The following ADGRV1 variants were observed in gnomAD, a reference collection of about 807,000 sequenced individuals.
ADGRV1 encodes the protein adhesion G protein-coupled receptor V1.
In ADGRV1, 359 loss-of-function variants were observed where a neutral mutation model predicts 596.2. The observed-to-expected ratio is 0.60, with a 90% confidence interval of 0.55 to 0.66. The LOEUF (loss-of-function observed/expected upper bound fraction) is 0.66. Ranked by LOEUF, ADGRV1 falls within the 30% of genes least tolerant of loss-of-function variation. The pLI is 0.00. For synonymous variants in ADGRV1, 2,681 were observed against 2,679.2 expected (o/e 1.00, Z -0.02); for missense variants, 7,274 against 7,575.6 (o/e 0.96, Z 1.48).
At chr5:90,708,484 A>G (rs1281018434) in intron 38 of ADGRV1, among the ~76,000 whole-genome samples, 1 of 151,532 alleles carries the variant, frequency 6.6e-6, no homozygotes, top group African/African-American at 2.4e-5. Flanking sequence ...CACATTAGAT[A>G]TTAAGGTAAT....
At chr5:90,947,576 C>A (rs116683863) in intron 83 of ADGRV1, among the ~76,000 whole-genome samples, 2 of 151,214 alleles carry the variant, frequency 1.3e-5, no homozygotes, top group South Asian at 4.2e-4. Context: ...CAGGTGTAGA[C>A]GGCATTAGAG....
intron 83 of ADGRV1, among the ~76,000 whole-genome samples, chr5:90,928,981 C>G (rs966112460): frequency 5.7e-4 from 85 of 149,224 alleles, no homozygotes; most frequent in South Asian, 4.1e-3. Context: ...AGGAGGCAGT[C>G]TGCCCGTTCT....
chr5:91,138,209 C>T (rs1156537060), intron 87 of ADGRV1, among the ~76,000 whole-genome samples: 1 of 150,668 alleles, frequency 6.6e-6, no homozygotes, highest in Non-Finnish European at 1.5e-5. Flanking sequence ...CATGTGAAAG[C>T]ATCTCGTTAC....
At chr5:90,566,560 C>A (rs1368950489) in intron 1 of ADGRV1, among the ~76,000 whole-genome samples, 1 of 151,930 alleles carries the variant, frequency 6.6e-6, no homozygotes, top group Non-Finnish European at 1.5e-5. Context: ...TGTTAAATTT[C>A]TTCCTAAGCA....
At chr5:91,062,881 G>A (rs1787563192) in intron 85 of ADGRV1, among the ~76,000 whole-genome samples, 1 of 149,720 alleles carries the variant, frequency 6.7e-6, no homozygotes, top group African/African-American at 2.5e-5. Flanking sequence ...CCAAAGAGAT[G>A]TAAAGATTAA....
intron 85 of ADGRV1, among the ~76,000 whole-genome samples, chr5:90,995,440 G>GACT (rs1267052043): frequency 6.6e-6 from 1 of 152,162 alleles, no homozygotes; most frequent in African/African-American, 2.4e-5. Flanking sequence ...TATGAGTCTA[G>GACT]AGAGTCTCCC....
intron 82 of ADGRV1, 29 bp from the exon 83 acceptor site, chr5:90,863,728 A>G (rs372903947): frequency 6.8e-7 from 1 of 1,477,440 alleles, no homozygotes; most frequent in Non-Finnish European, 9.5e-7. Context: ...GGATTATTAA[A>G]CCATATGTGG....
intron 29 of ADGRV1, among the ~76,000 whole-genome samples, 188 bp from the exon 30 acceptor site, chr5:90,689,673 A>G (rs1037544706): frequency 2.0e-5 from 3 of 152,136 alleles, no homozygotes; most frequent in African/African-American, 7.2e-5. Context: ...ATTTTGTGAC[A>G]TTATCAAACC....
At chr5:90,667,043 AT>A (rs1351884318) in intron 21 of ADGRV1, among the ~76,000 whole-genome samples, 1 of 151,484 alleles carries the variant, frequency 6.6e-6, no homozygotes, top group Non-Finnish European at 1.5e-5. Flanking sequence ...TGCCCTTAAT[AT>A]TTTTTCCTTC....
intron 88 of ADGRV1, among the ~76,000 whole-genome samples, chr5:91,152,872 T>A (rs948113730): frequency 2.6e-5 from 4 of 151,476 alleles, no homozygotes; most frequent in Non-Finnish European, 5.9e-5. Context: ...GATGGGGGTC[T>A]TACAGTCTTG....
chr5:90,847,608 C>A (rs921127204), intron 78 of ADGRV1, among the ~76,000 whole-genome samples: 9 of 152,260 alleles, frequency 5.9e-5, no homozygotes, highest in Non-Finnish European at 1.3e-4. Flanking sequence ...CAGGAGCCCA[C>A]GGTGGTGGGG....
At chr5:90,897,819 C>T (rs536194480) in intron 83 of ADGRV1, among the ~76,000 whole-genome samples, 1 of 152,226 alleles carries the variant, frequency 6.6e-6, no homozygotes, top group South Asian at 2.1e-4. Context: ...TGGGTGGGAA[C>T]AATGTGCTCA....
At chr5:90,892,127 T>G (rs546069996) in intron 83 of ADGRV1, among the ~76,000 whole-genome samples, 1 of 151,224 alleles carries the variant, frequency 6.6e-6, no homozygotes, top group South Asian at 2.1e-4. Context: ...TAGTGTAGAT[T>G]TATCCACTTC....
rs373121319 is a variant in ADGRV1 at position 90,840,591 on chromosome 5, C to A, written c.16625C>A (p.Ala5542Asp). Residue 5542 changes from alanine to aspartate, a missense_variant, in exon 78 of 90, where the codon GCT becomes GAT. Transcript: ENST00000405460. ...VNFSTQELRS[A>D]ETIGRTIISP... ...TTTAATTTCTAGGAGTTGAGGAGTG[C>A]TGAAACAATTGGTCGTACCATCATA... 10 of 1,603,140 alleles carry A rather than the reference C, an allele frequency of 6.2e-6. No individual in the cohort carries two copies. Among genetic ancestry groups the A allele is most frequent in the Non-Finnish European group, 8.5e-6 (10 of 1,172,858 alleles).
chr5:91,114,630 A>C (rs1792692064), intron 87 of ADGRV1, among the ~76,000 whole-genome samples: 1 of 152,142 alleles, frequency 6.6e-6, no homozygotes, highest in Non-Finnish European at 1.5e-5. Context: ...CTTGAGACAA[A>C]GTGGAAATTT....
chr5:90,685,828 T>C lies in ADGRV1; in HGVS notation c.6323T>C (p.Leu2108Pro). The change falls in exon 29 of 90, where the codon CTA becomes CCA. Residue 2108 changes from leucine to proline, a missense_variant. Around this residue, in one of 5 missense-constraint regions of ADGRV1, gnomAD observed 3,643 missense variants for 3,809.2 expected, o/e 0.96. Coordinates refer to ENST00000405460, the MANE Select transcript of ADGRV1 (RefSeq NM_032119.4). Reference protein sequence around the residue: ...LGPKVETIAQLIIIANDDAFG... With the variant: ...LGPKVETIAQPIIIANDDAFG... Reference sequence around the variant, plus strand: ...CCTAAGGTAGAAACTATTGCGCAACTAATTATCATTGCCAATGATGATGCA... The same window carrying C: ...CCTAAGGTAGAAACTATTGCGCAACCAATTATCATTGCCAATGATGATGCA... The C allele has an allele frequency of 1.9e-6, 3 of 1,612,156 alleles. No individual in the cohort carries two copies. Among genetic ancestry groups the C allele is most frequent in the Non-Finnish European group, 2.5e-6 (3 of 1,178,840 alleles).
Position 91,153,274 on chromosome 5 carries a change from T to G in ADGRV1, c.18678T>G (p.Pro6226=). Residue 6226 remains proline (P), a synonymous_variant, in exon 89 of 90, where the codon CCT becomes CCG. Transcript: ENST00000405460. ...TCCAACAGGGCAGTCAGGCCAGCCC[T>G]GATTTAAAGCCAAGTCCACAAAATG... ...ASFQQGSQAS[P]DLKPSPQNGA... is the part of the protein sequence containing the mutation. The G allele has an allele frequency of 6.2e-7, 1 of 1,609,542 alleles. No homozygotes were observed.
At chr5:90,634,896 A>G (rs1394873439) in intron 9 of ADGRV1, among the ~76,000 whole-genome samples, 2 of 152,104 alleles carry the variant, frequency 1.3e-5, no homozygotes, top group Non-Finnish European at 2.9e-5. Context: ...GTTTAGGCAG[A>G]CCCTTGGGGA....
intron 29 of ADGRV1, among the ~76,000 whole-genome samples, chr5:90,686,585 G>T (rs1210050199): frequency 6.6e-6 from 1 of 152,034 alleles, no homozygotes; most frequent in Non-Finnish European, 1.5e-5. Context: ...TGGTGTATAT[G>T]TGCCACATTT....
Sources: allele counts gnomAD v4.1 joint callset (sites outside exome capture counted in the v4.1 genomes callset), GRCh38; gene constraint gnomAD v4.1.1; regional missense constraint gnomAD v4.1.1; transcripts MANE v1.5; gene names NCBI Gene and HGNC (gene_info 2026-07-23, HGNC 2026-07-21).